C12orf57: variants seen among roughly 807,000 people sequenced by gnomAD.
The protein encoded by C12orf57 is chromosome 12 open reading frame 57.
In C12orf57, 14 loss-of-function variants were observed where a neutral mutation model predicts 11.3. That is an observed-to-expected ratio of 1.24 (90% CI 0.82 to 1.94). The LOEUF is 1.94. C12orf57 is among the 30% of genes most tolerant of loss of function. The pLI, the probability that C12orf57 is intolerant of heterozygous loss-of-function variation, is 0.00. For missense variants in C12orf57, 229 were observed against 172.4 expected, an observed-to-expected ratio of 1.33 and a Z score of -1.84; for synonymous variants, 100 against 74.6, an observed-to-expected ratio of 1.34 and a Z score of -1.76.
At chr12:6,945,696 G>C (rs2019743) in intron 2 of C12orf57, 75 bp from the exon 3 acceptor site, 4 of 1,514,714 alleles carry the variant, frequency 2.6e-6, no homozygotes, top group Non-Finnish European at 3.6e-6. Context: ...TTCATGCTTA[G>C]ACTACCACCC....
chr12:6,943,881 T>A, upstream of C12orf57: 1 of 1,011,762 alleles, frequency 9.9e-7, no homozygotes, highest in Non-Finnish European at 1.4e-6. Context: ...AAGCCCCTCT[T>A]ATGATGTTTG....
rs1555145984 is a variant in C12orf57, at chr12:6,944,492, G to T, written c.69G>T (p.Val23=). ...GGCGCGCAGTGGTCCTCGCGGAGGTGATCCAGGCGTTCTCCGCCCCGGAGA... is the reference window on the plus strand; with the variant it reads ...GGCGCGCAGTGGTCCTCGCGGAGGTTATCCAGGCGTTCTCCGCCCCGGAGA... ...AEQAKVVLAE[V]IQAFSAPENA... The change falls in exon 2 of 3, where the codon GTG becomes GTT. Residue 23 remains valine, a synonymous_variant. Transcript: ENST00000229281. The T allele has an allele frequency of 1.9e-6, 3 of 1,612,646 alleles. No homozygotes were observed. The highest frequency in any genetic ancestry group is 2.5e-6 in the Non-Finnish European group (3 of 1,179,908).
chr12:6,944,291 C>T (rs1945732852), intron 1 of C12orf57, 118 bp downstream of exon 1: 4 of 1,596,566 alleles, frequency 2.5e-6, no homozygotes, highest in Admixed American at 1.7e-5. Context: ...CTACGTCCGC[C>T]GGGAAAATGG....
In C12orf57 at chr12:6,944,094, C is replaced by G. The variant is rs185601401; in HGVS notation, c.-28C>G. On this transcript the variant is annotated 5_prime_UTR_variant, in exon 1 of 3. Coordinates refer to ENST00000229281, the MANE Select transcript of C12orf57 (RefSeq NM_138425.4). ...TTATTCGTGAGTTTTCCATTTACCTCCGCTGAACCTAGAGCTTCAGACGCC... is the reference window on the plus strand; with the variant it reads ...TTATTCGTGAGTTTTCCATTTACCTGCGCTGAACCTAGAGCTTCAGACGCC... The G allele has an allele frequency of 1.9e-6, 3 of 1,614,140 alleles. No individual in the cohort carries two copies. The highest frequency in any genetic ancestry group is 1.1e-5 in the South Asian group (1 of 91,088).
At chr12:6,943,538 C>T (rs1555145305), upstream of C12orf57, 1 of 1,287,870 alleles carries the variant, frequency 7.8e-7, no homozygotes, top group Non-Finnish European at 1.0e-6. Context: ...ACTGCCGAAT[C>T]CAGGTCTCCG....
chr12:6,944,603 G>C lies in C12orf57; in HGVS notation c.180G>C (p.Gln60His). 6.2e-7 allele frequency: 1 copy of C among 1,614,190 alleles called. No individual in the cohort carries two copies. Among genetic ancestry groups the C allele is most frequent in the South Asian group, 1.1e-5 (1 of 91,088 alleles). ...MLQFVLPVAT[Q>H]IQQEVIKAYG... The stretch of plus-strand genomic sequence containing the variant: ...AATTCGTGCTGCCCGTGGCCACGCA[G>C]ATCCAGCAGGAGGTTATCAAAGCCT... Residue 60 changes from glutamine (Q) to histidine (H), a missense_variant, in exon 2 of 3, where the codon CAG (glutamine) becomes CAC (histidine). Transcript: ENST00000229281.
upstream of C12orf57, chr12:6,943,694 G>A (rs1555145369): frequency 6.2e-6 from 8 of 1,281,330 alleles, no homozygotes; most frequent in South Asian, 1.0e-4. Flanking sequence ...TTTTCCTACT[G>A]AAAGTTACCA....
In C12orf57 at chr12:6,944,486, G is replaced by C. The variant is rs369266431; in HGVS notation, c.63G>C (p.Ala21=). 10 of 1,612,366 alleles carry C rather than the reference G, an allele frequency of 6.2e-6. No individual in the cohort carries two copies. Among genetic ancestry groups the C allele is most frequent in the Non-Finnish European group, 8.5e-6 (10 of 1,179,830 alleles). The change falls in exon 2 of 3, where the codon GCG becomes GCC. Residue 21 remains alanine, a synonymous_variant. Coordinates refer to ENST00000229281, the MANE Select transcript of C12orf57 (RefSeq NM_138425.4). Reference sequence around the variant, plus strand: ...GCTTCTGGCGCGCAGTGGTCCTCGCGGAGGTGATCCAGGCGTTCTCCGCCC... The same window carrying C: ...GCTTCTGGCGCGCAGTGGTCCTCGCCGAGGTGATCCAGGCGTTCTCCGCCC... The part of the protein sequence containing the change: ...LSAEQAKVVL[A]EVIQAFSAPE...
At chr12:6,943,939 T>C (rs145227821), upstream of C12orf57, 187 of 1,411,640 alleles carry the variant, frequency 1.3e-4, 1 homozygote, top group Middle Eastern at 6.6e-4. Flanking sequence ...TGGGTAGTTT[T>C]GGTGGTCTTG....
At chr12:6,944,360 T>C in intron 1 of C12orf57, 116 bp from the exon 2 acceptor site, 2 of 1,552,894 alleles carry the variant, frequency 1.3e-6, no homozygotes, top group East Asian at 2.4e-5. Flanking sequence ...AGACTTGGGA[T>C]CTTATTGGGT....
At chr12:6,944,918 A>G in intron 2 of C12orf57, 1 of 1,325,336 alleles carries the variant, frequency 7.5e-7, no homozygotes, top group South Asian at 1.8e-5. Context: ...AGATTTCGGA[A>G]TATTTACATA....
At chr12:6,945,646 TC>T (rs1409206980) in intron 2 of C12orf57, 124 bp from the exon 3 acceptor site, 3 of 984,724 alleles carry the variant, frequency 3.0e-6, no homozygotes, top group Non-Finnish European at 4.8e-6. Flanking sequence ...CCTGCATGCG[TC>T]CTGTTTGGCA....
intron 2 of C12orf57, chr12:6,944,949 TGGG>T: frequency 8.9e-7 from 1 of 1,124,976 alleles, no homozygotes; most frequent in South Asian, 2.1e-5. Context: ...TCTTGGGGGA[TGGG>T]ACCTAAATCT....
chr12:6,943,911 T>C (rs1429444940), upstream of C12orf57: 14 of 1,216,752 alleles, frequency 1.2e-5, 1 homozygote, highest in South Asian at 1.0e-4. Context: ...ATAGATTGTT[T>C]TCACTGTGCA....
Position 6,944,529 on chromosome 12 carries a change from A to C in C12orf57, c.106A>C (p.Met36Leu), listed in dbSNP as rs782655345. The change falls in exon 2 of 3, where the codon ATG becomes CTG. Residue 36 changes from methionine (M) to leucine (L), a missense_variant. Met to Leu is a conservative substitution (Grantham distance 15, BLOSUM62 2). Transcript: ENST00000229281. The part of the protein sequence containing the change: ...AFSAPENAVR[M>L]DEARDNACND... ...CTCCGCCCCGGAGAATGCAGTGCGCATGGACGAGGCTCGGGATAACGCCTG... is the reference window on the plus strand; with the variant it reads ...CTCCGCCCCGGAGAATGCAGTGCGCCTGGACGAGGCTCGGGATAACGCCTG... 1 of 1,613,996 alleles carries C rather than the reference A, an allele frequency of 6.2e-7. No homozygotes were observed. Among genetic ancestry groups the C allele is most frequent in the South Asian group, 1.1e-5 (1 of 91,088 alleles).
chr12:6,944,067 CT>C lies in C12orf57; in HGVS notation c.-52del, dbSNP rs1945717155. On this transcript the variant is annotated 5_prime_UTR_variant, in exon 1 of 3. Transcript: ENST00000229281. The stretch of plus-strand genomic sequence containing the variant: ...TTGGGAACGGTTGTAGGACGTGGCT[CT>C]TTATTCGTGAGTTTTCCATTTACCT... 6.2e-7 allele frequency: 1 copy of C among 1,613,454 alleles called. No individual in the cohort carries two copies. Among genetic ancestry groups the C allele is most frequent in the Non-Finnish European group, 8.5e-7 (1 of 1,179,874 alleles).
upstream of C12orf57, chr12:6,943,869 G>GA (rs1945696332): frequency 3.1e-6 from 3 of 953,358 alleles, no homozygotes; most frequent in South Asian, 1.7e-5. Context: ...CTTTTTACCG[G>GA]AAAGCCCCTC....
At chr12:6,945,081 A>G (rs1336854073) in intron 2 of C12orf57, 27 of 306,148 alleles carry the variant, frequency 8.8e-5, no homozygotes, top group African/African-American at 5.4e-4. Flanking sequence ...CGTTTTGACT[A>G]CAGTCTCCCC....
At position 6,944,516 on chromosome 12, in the gene C12orf57, G is replaced by A. The variant is rs1945743828; in HGVS notation, c.93G>A (p.Glu31=). 1 of 1,613,744 alleles carries A rather than the reference G, an allele frequency of 6.2e-7. No homozygotes were observed. The highest frequency in any genetic ancestry group is 8.5e-7 in the Non-Finnish European group (1 of 1,180,028). Residue 31 remains glutamate, a synonymous_variant, in exon 2 of 3, where the codon GAG becomes GAA. Coordinates refer to ENST00000229281, the MANE Select transcript of C12orf57 (RefSeq NM_138425.4). The part of the protein sequence containing the change: ...AEVIQAFSAP[E]NAVRMDEARD... ...TGATCCAGGCGTTCTCCGCCCCGGA[G>A]AATGCAGTGCGCATGGACGAGGCTC... is the stretch of plus-strand genomic sequence containing the variant.
Sources: gnomAD v4.1 joint callset for allele counts on GRCh38, gnomAD v4.1.1 for gene constraint, MANE v1.5 for transcripts, NCBI Gene and HGNC (gene_info 2026-07-23, HGNC 2026-07-21) for gene names.